The following TOMM70 variants were observed in gnomAD, a reference collection of about 807,000 sequenced individuals.
TOMM70 encodes translocase of outer mitochondrial membrane 70.
Under a neutral mutation model 73.6 loss-of-function variants are expected in TOMM70, and 13 were observed. The ratio of observed to expected loss-of-function variants is 0.18; its 90% CI spans 0.11 to 0.28. The LOEUF is 0.28. Ranked by LOEUF, TOMM70 falls within the 10% of genes least tolerant of loss-of-function variation. The probability of loss-of-function intolerance (pLI) is 1.00; values close to 1 mark genes in which losing one functional copy is unlikely to be tolerated. For synonymous variants in TOMM70, 257 were observed against 271.2 expected (o/e 0.95, Z 0.51); for missense variants, 609 against 747.5 (o/e 0.81, Z 2.16).
intron 2 of TOMM70, 56 bp downstream of exon 2, chr3:100,386,749 C>CT: frequency 1.3e-6 from 2 of 1,561,106 alleles, no homozygotes; most frequent in Non-Finnish European, 8.7e-7. Context: ...TTAACTGAAA[C>CT]TTTAAGCAAA....
chr3:100,387,035 C>A, intron 1 of TOMM70, 57 bp from the exon 2 acceptor site: 3 of 1,542,312 alleles, frequency 1.9e-6, no homozygotes, highest in Non-Finnish European at 2.6e-6. Flanking sequence ...ACTCAGACCA[C>A]AGTAATTAAA....
At chr3:100,388,197 T>C (rs1260248601) in intron 1 of TOMM70, among the ~76,000 whole-genome samples, 2 of 152,190 alleles carry the variant, frequency 1.3e-5, no homozygotes, top group Non-Finnish European at 2.9e-5. Context: ...GTGCCAGGAC[T>C]AACAGAGACT....
At chr3:100,390,899 G>C (rs1706751796) in intron 1 of TOMM70, among the ~76,000 whole-genome samples, 1 of 151,964 alleles carries the variant, frequency 6.6e-6, no homozygotes, top group African/African-American at 2.4e-5. Context: ...CAGCACTTTG[G>C]GAGGCTGAGG....
intron 9 of TOMM70, chr3:100,372,331 T>C (rs2148889491): frequency 3.2e-6 from 1 of 308,190 alleles, no homozygotes; most frequent in East Asian, 5.2e-5. Context: ...CCTAAGGTAA[T>C]TACTTTTTGC....
In TOMM70 at chr3:100,370,402, A is replaced by T. The variant is rs183956511; in HGVS notation, c.1453-1267T>A. Among the ~76,000 whole-genome samples, 10 of 152,342 alleles carry T rather than the reference A, an allele frequency of 6.6e-5. No homozygotes were observed. The East Asian group carries it at 1.9e-3, about 29-fold the overall frequency. On this transcript the variant is annotated intron_variant, in intron 9 of 11. Coordinates refer to ENST00000284320, the MANE Select transcript of TOMM70 (RefSeq NM_014820.5). ...GTGAGTGTACCACAATTCTGCAAAC[A>T]TAATTCAATTTTCTGTTAACATTTA...
chr3:100,395,254 AGCTACTCGGGAG>A (rs1459051573), intron 1 of TOMM70, among the ~76,000 whole-genome samples: 1 of 152,144 alleles, frequency 6.6e-6, no homozygotes, highest in Non-Finnish European at 1.5e-5. Flanking sequence ...CTGTAATCCC[AGCTACTCGGGAG>A]GCTGAGGCAG....
chr3:100,386,636 T>G (rs1435498322), intron 2 of TOMM70, among the ~76,000 whole-genome samples, 169 bp downstream of exon 2: 1 of 152,222 alleles, frequency 6.6e-6, no homozygotes, highest in Non-Finnish European at 1.5e-5. Context: ...AGCAAAACTA[T>G]AGAATTTGTT....
At position 100,376,756 on chromosome 3, in the gene TOMM70, G is replaced by A. The variant is rs1330249036; in HGVS notation, c.1092+949C>T. Among the ~76,000 whole-genome samples the A allele has an allele frequency of 2.0e-5, 3 of 152,140 alleles. No homozygotes were observed. In the East Asian group the frequency reaches 5.8e-4, roughly 29 times the overall value. ...AGTTAATTTTTGTGCATGGCATATG[G>A]TAGGCATCATTACTACTTGCCACTA... On this transcript the variant is annotated intron_variant, in intron 6 of 11. Transcript: ENST00000284320.
chr3:100,373,825 C>G, intron 7 of TOMM70, 180 bp from the exon 8 acceptor site: 1 of 478,216 alleles, frequency 2.1e-6, no homozygotes, highest in Non-Finnish European at 3.7e-6. Flanking sequence ...GATTCCAAAA[C>G]ATAAAAATGG....
intron 1 of TOMM70, among the ~76,000 whole-genome samples, chr3:100,392,046 G>A (rs1276791896): frequency 6.6e-6 from 1 of 152,084 alleles, no homozygotes; most frequent in Non-Finnish European, 1.5e-5. Context: ...TGTTACAGTT[G>A]CCCACAGTAT....
At position 100,365,629 on chromosome 3, in the gene TOMM70, A is replaced by T. The variant is rs1458256489; in HGVS notation, c.1762T>A (p.Cys588Ser). 6.2e-7 allele frequency: 1 copy of T among 1,614,240 alleles called. No homozygotes were observed. Among genetic ancestry groups the T allele is most frequent in the East Asian group, 2.2e-5 (1 of 44,890 alleles). ...TCTGTCTGGGCATGGGCGGCATCGCAAAGTGAATACAGATGGGCCATCTCC... is the reference window on the plus strand; with the variant it reads ...TCTGTCTGGGCATGGGCGGCATCGCTAAGTGAATACAGATGGGCCATCTCC... ...EMEMAHLYSL[C>S]DAAHAQTEVA... is the part of the protein sequence containing the mutation. Residue 588 changes from cysteine (C) to serine (S), a missense_variant, in exon 12 of 12, where the codon TGC becomes AGC. Cys to Ser is a moderately radical substitution (Grantham distance 112, BLOSUM62 -1). Transcript: ENST00000284320.
At chr3:100,386,036 A>G (rs929328296) in intron 3 of TOMM70, among the ~76,000 whole-genome samples, 182 bp downstream of exon 3, 5 of 152,200 alleles carry the variant, frequency 3.3e-5, no homozygotes, top group African/African-American at 4.8e-5. Flanking sequence ...ATAGTTGAGA[A>G]CAGAGACAAT....
At chr3:100,380,689 C>T (rs538726806) in intron 5 of TOMM70, among the ~76,000 whole-genome samples, 35 of 152,296 alleles carry the variant, frequency 2.3e-4, no homozygotes, top group Non-Finnish European at 3.1e-4. Flanking sequence ...ATTTGCATAA[C>T]TGTCACAAGA....
chr3:100,367,926 G>T, intron 11 of TOMM70, 118 bp downstream of exon 11: 2 of 1,134,588 alleles, frequency 1.8e-6, no homozygotes, highest in Non-Finnish European at 2.4e-6. Context: ...TTTCCAACGT[G>T]AATAATACAG....
chr3:100,384,577 C>A lies in TOMM70; in HGVS notation c.637G>T (p.Val213Leu), dbSNP rs772044515. Residue 213 changes from valine to leucine, a missense_variant, in exon 4 of 12, where the codon GTG (valine) becomes TTG (leucine). Val to Leu is a conservative substitution (Grantham distance 32). Transcript: ENST00000284320. The stretch of plus-strand genomic sequence containing the variant: ...TTTTGGAACCCTTCTAATATACACA[C>A]AGCAGTGACATCTAGAAATGATGAA... ...KKECLEDVTA[V>L]CILEGFQNQQ... 1.3e-6 allele frequency: 2 copies of A among 1,587,414 alleles called. No individual in the cohort carries two copies. The highest frequency in any genetic ancestry group is 2.7e-5 in the African/African-American group (2 of 73,484).
chr3:100,373,788 T>G (rs1215948619), intron 7 of TOMM70, 143 bp from the exon 8 acceptor site: 2 of 519,798 alleles, frequency 3.8e-6, no homozygotes, highest in Non-Finnish European at 6.5e-6. Flanking sequence ...AAACAGTGAT[T>G]TAAAAATCTT....
chr3:100,373,385 G>C (rs62274148), intron 8 of TOMM70, among the ~76,000 whole-genome samples, 153 bp downstream of exon 8: 4,572 of 152,252 alleles, frequency 0.03, 85 homozygotes, highest in Non-Finnish European at 0.048. Context: ...AGAAATACAA[G>C]AGCTAGGTAT....
At chr3:100,365,837 G>T in intron 11 of TOMM70, 120 bp from the exon 12 acceptor site, 1 of 1,121,040 alleles carries the variant, frequency 8.9e-7, no homozygotes, top group African/African-American at 1.6e-5. Context: ...TTCAATGAAG[G>T]TTGTAAGTGA....
intron 4 of TOMM70, among the ~76,000 whole-genome samples, chr3:100,383,274 C>G (rs1206079997): frequency 6.6e-6 from 1 of 152,028 alleles, no homozygotes; most frequent in Non-Finnish European, 1.5e-5. Flanking sequence ...GTAATTCTAG[C>G]ACTTTGGGAG....
Sources: gnomAD v4.1 joint callset for allele counts (sites outside exome capture counted in the v4.1 genomes callset) on GRCh38, gnomAD v4.1.1 for gene constraint, MANE v1.5 for transcripts, NCBI Gene and HGNC (gene_info 2026-07-23, HGNC 2026-07-21) for gene names.